DIPK1A: variants seen among roughly 807,000 people sequenced by gnomAD.
DIPK1A encodes family with sequence similarity 69 member A.
Under a neutral mutation model 40.8 loss-of-function variants are expected in DIPK1A, and 27 were observed. That is an observed-to-expected ratio of 0.66 (90% CI 0.49 to 0.91). The LOEUF is 0.91. Among genes scored for constraint, DIPK1A ranks in the 40% least tolerant of loss-of-function variants. The pLI, the probability that DIPK1A is intolerant of heterozygous loss-of-function variation, is 0.00. For synonymous variants in DIPK1A, 166 were observed against 171.3 expected, an observed-to-expected ratio of 0.97 and a Z score of 0.24; for missense variants, 412 against 505.7, an observed-to-expected ratio of 0.81 and a Z score of 1.78.
Position 92,833,026 on chromosome 1 carries a change from G to A in DIPK1A, c.483C>T (p.His161=), listed in dbSNP as rs138346863. ...TCGCAAAAGTTTGGCACAATTACCG[G>A]TGCTGGTCCTTGAAGAAACAAATAT... The change falls in exon 5 of 5, where the codon CAC becomes CAT. Residue 161 remains histidine, a synonymous_variant. Transcript: ENST00000615519. The A allele has an allele frequency of 6.3e-5, 47 of 741,856 alleles. No homozygotes were observed. In the African/African-American group the frequency reaches 7.6e-4, roughly 12 times the overall value. The allele number at this position is 741,856 out of a possible 1,614,324, so 46.0% of individuals were successfully genotyped here. A position where few individuals can be genotyped will look rare whatever the true frequency, so the allele number is the denominator to read the frequency against.
chr1:92,934,063 A>G (rs1480373038), intron 1 of DIPK1A: 1 of 152,252 alleles, frequency 6.6e-6, no homozygotes, highest in Non-Finnish European at 1.5e-5. Context: ...GGATTTGTCA[A>G]CAAATGGATA....
At position 92,843,546 on chromosome 1, in the gene DIPK1A, A is replaced by G. The variant is rs1687463622; in HGVS notation, c.1124T>C (p.Leu375Pro). 1.3e-6 allele frequency: 2 copies of G among 1,552,132 alleles called. No homozygotes were observed. Among genetic ancestry groups the G allele is most frequent in the Non-Finnish European group, 1.7e-6 (2 of 1,147,094 alleles). ...KACQLLKDYLLRGAPSEIREE... is the reference protein window; with the variant it reads ...KACQLLKDYLPRGAPSEIREE... The stretch of plus-strand genomic sequence containing the variant: ...ACGAATTTCACTTGGAGCACCACGC[A>G]GTAGGTAGTCTTTGAGTAACTGACA... Residue 375 changes from leucine (L) to proline (P), a missense_variant, in exon 5 of 5, where the codon CTG becomes CCG. By Grantham distance (98) the Leu-to-Pro change is moderately conservative. Transcript: ENST00000370310.
At chr1:92,948,715 A>G (rs1455072173) in intron 1 of DIPK1A, among the ~76,000 whole-genome samples, 1 of 146,536 alleles carries the variant, frequency 6.8e-6, no homozygotes, top group Non-Finnish European at 1.5e-5. Context: ...ATATACACAT[A>G]TATTTTTTAT....
At chr1:92,834,897 T>A in intron 4 of DIPK1A, 1 of 1,602,214 alleles carries the variant, frequency 6.2e-7, no homozygotes, top group Non-Finnish European at 8.5e-7. Flanking sequence ...TGTACTGGCC[T>A]GCTGCTGGCC....
At chr1:92,877,894 A>G (rs952323240) in intron 1 of DIPK1A, among the ~76,000 whole-genome samples, 4 of 152,220 alleles carry the variant, frequency 2.6e-5, no homozygotes, top group Non-Finnish European at 5.9e-5. Flanking sequence ...AAATGACATA[A>G]TGCCTATAAA....
chr1:92,836,078 G>A, intron 4 of DIPK1A: 2 of 973,652 alleles, frequency 2.1e-6, no homozygotes, highest in Non-Finnish European at 3.3e-6. Flanking sequence ...GGGTGTGGAA[G>A]GAAATTTTCT....
chr1:92,959,738 G>GT (rs1165796005), intron 1 of DIPK1A, among the ~76,000 whole-genome samples: 7 of 149,044 alleles, frequency 4.7e-5, no homozygotes, highest in Admixed American at 4.7e-4. Context: ...GCGCCTGGCC[G>GT]TTTTTTTGTT....
chr1:92,924,445 C>A (rs545057542), intron 1 of DIPK1A, among the ~76,000 whole-genome samples: 1 of 152,052 alleles, frequency 6.6e-6, no homozygotes, highest in East Asian at 1.9e-4. Flanking sequence ...CACTATATAA[C>A]CCGCACGGAT....
rs1362825420 is a variant in DIPK1A at position 92,867,415 on chromosome 1, G to GGA, written c.189+8879_189+8880dup. On this transcript the variant is annotated intron_variant, in intron 2 of 4. Coordinates refer to ENST00000370310, the MANE Select transcript of DIPK1A (RefSeq NM_001006605.5). ...TGGATGGGACCCTTCACACACAAAT[G>GGA]GAGAGAGAGAGAAAAAGACAGAGGC... 3.9e-5 allele frequency among the ~76,000 whole-genome samples: 6 copies of GGA among 151,982 alleles called. No individual in the cohort carries two copies. The East Asian group carries it at 1.2e-3, about 29-fold the overall frequency.
chr1:92,952,711 A>G (rs898432399), intron 1 of DIPK1A, among the ~76,000 whole-genome samples: 2 of 152,202 alleles, frequency 1.3e-5, no homozygotes, highest in African/African-American at 4.8e-5. Flanking sequence ...ACTACTATCC[A>G]ATATGTAATC....
intron 1 of DIPK1A, among the ~76,000 whole-genome samples, chr1:92,940,817 T>C (rs184443030): frequency 6.6e-6 from 1 of 152,364 alleles, no homozygotes; most frequent in East Asian, 1.9e-4. Flanking sequence ...TTTTTAATTT[T>C]AGTCATTCTG....
At chr1:92,924,324 T>C (rs1650394239) in intron 1 of DIPK1A, among the ~76,000 whole-genome samples, 1 of 151,982 alleles carries the variant, frequency 6.6e-6, no homozygotes, top group African/African-American at 2.4e-5. Context: ...TTTTTTTTAC[T>C]TCTCCTTGCC....
At chr1:92,834,468 G>A (rs1182583246) in intron 4 of DIPK1A, among the ~76,000 whole-genome samples, 1 of 152,108 alleles carries the variant, frequency 6.6e-6, no homozygotes, top group Non-Finnish European at 1.5e-5. Context: ...CCTGTTTCCT[G>A]GGCAAATAGT....
intron 2 of DIPK1A, among the ~76,000 whole-genome samples, chr1:92,855,312 C>T (rs7514280): frequency 0.23 from 35,137 of 151,820 alleles, 4,386 homozygotes; most frequent in Middle Eastern, 0.27. Flanking sequence ...CAAATTTAAA[C>T]GCAATGACGA....
chr1:92,913,947 G>A (rs1397276475), intron 1 of DIPK1A, among the ~76,000 whole-genome samples: 3 of 152,040 alleles, frequency 2.0e-5, no homozygotes, highest in Non-Finnish European at 4.4e-5. Context: ...CATACTCTGA[G>A]GCATTCATTC....
At chr1:92,909,266 T>C (rs1000798691) in intron 1 of DIPK1A, among the ~76,000 whole-genome samples, 3 of 152,226 alleles carry the variant, frequency 2.0e-5, no homozygotes, top group Admixed American at 6.5e-5. Context: ...ATATATATTT[T>C]TGTGTCTTTA....
chr1:92,854,970 AC>A (rs1687934282), intron 2 of DIPK1A, among the ~76,000 whole-genome samples: 2 of 152,134 alleles, frequency 1.3e-5, no homozygotes, highest in Non-Finnish European at 2.9e-5. Flanking sequence ...TATCATATAG[AC>A]CACATTCTCT....
intron 1 of DIPK1A, among the ~76,000 whole-genome samples, chr1:92,937,654 A>G (rs537357675): frequency 6.8e-5 from 10 of 146,358 alleles, no homozygotes; most frequent in South Asian, 2.1e-4. Flanking sequence ...GGTCATTTGA[A>G]TATCTAATTG....
chr1:92,912,332 G>A (rs190223349), intron 1 of DIPK1A, among the ~76,000 whole-genome samples: 4 of 152,112 alleles, frequency 2.6e-5, no homozygotes, highest in Admixed American at 2.0e-4. Flanking sequence ...GTTGTGATAG[G>A]TTTGTGGGCG....
Sources: allele counts gnomAD v4.1 joint callset (sites outside exome capture counted in the v4.1 genomes callset), GRCh38; gene constraint gnomAD v4.1.1; transcripts MANE v1.5; gene names NCBI Gene and HGNC (gene_info 2026-07-23, HGNC 2026-07-21).